TMEM87B: variants seen among roughly 807,000 people sequenced by gnomAD.
TMEM87B encodes transmembrane protein 87B.
In TMEM87B, 83 loss-of-function variants were observed where a neutral mutation model predicts 80.3. The ratio of observed to expected loss-of-function variants is 1.03; its 90% CI spans 0.87 to 1.24. The LOEUF (loss-of-function observed/expected upper bound fraction) is 1.24, where lower values mean the gene tolerates loss of function less well. Ranked by LOEUF, TMEM87B falls within the 50% of genes most tolerant of loss-of-function variation. TMEM87B has a pLI of 0.00. For synonymous variants in TMEM87B, 219 were observed against 230.5 expected (o/e 0.95, Z 0.45); for missense variants, 625 against 674.4 (o/e 0.93, Z 0.81).
At chr2:112,101,156 G>A (rs762788494) in intron 15 of TMEM87B, among the ~76,000 whole-genome samples, 5 of 151,966 alleles carry the variant, frequency 3.3e-5, no homozygotes, top group Non-Finnish European at 7.4e-5. Context: ...TAATTTTATT[G>A]TAATCTAATT....
At chr2:112,085,652 AG>A (rs1679120228) in intron 8 of TMEM87B, among the ~76,000 whole-genome samples, 1 of 152,240 alleles carries the variant, frequency 6.6e-6, no homozygotes, top group African/African-American at 2.4e-5. Context: ...GAGATCCTGG[AG>A]AAAAGAGAAC....
intron 3 of TMEM87B, among the ~76,000 whole-genome samples, chr2:112,065,643 C>CAAA (rs58619427): frequency 7.8e-4 from 59 of 75,310 alleles, no homozygotes; most frequent in East Asian, 2.6e-3. Context: ...ACCTTGTCTT[C>CAAA]AAAAAAAAAA....
chr2:112,059,643 A>G (rs911688046), intron 1 of TMEM87B, among the ~76,000 whole-genome samples: 1 of 152,284 alleles, frequency 6.6e-6, no homozygotes, highest in South Asian at 2.1e-4. Context: ...AGTACATTCA[A>G]ATTGACGCCA....
chr2:112,068,174 A>G (rs1201790594), intron 4 of TMEM87B, among the ~76,000 whole-genome samples: 2 of 151,980 alleles, frequency 1.3e-5, no homozygotes, highest in Non-Finnish European at 2.9e-5. Flanking sequence ...AGATCACGCC[A>G]TTGCACTCCA....
At chr2:112,077,891 G>A (rs971827342) in intron 6 of TMEM87B, among the ~76,000 whole-genome samples, 2 of 152,176 alleles carry the variant, frequency 1.3e-5, no homozygotes, top group African/African-American at 4.8e-5. Context: ...AATCACTTTG[G>A]CTGATGTTTT....
Position 112,089,484 on chromosome 2 carries a change from A to G in TMEM87B, c.939-141A>G, listed in dbSNP as rs1573710681. ...GTTCCTGGGCCTGTTTCCTAAAACA[A>G]AGTACCTCAGAGCCGGGAACAGACT... On this transcript the variant is annotated intron_variant, in intron 9 of 18. Transcript: ENST00000283206. The G allele has an allele frequency of 4.4e-5, 31 of 698,652 alleles. No homozygotes were observed. In the South Asian group the frequency reaches 5.4e-4, roughly 12 times the overall value. 43.3% of individuals were successfully genotyped at this position (698,652 alleles called of 1,614,324 possible).
At chr2:112,085,146 G>A (rs1679105829) in intron 8 of TMEM87B, among the ~76,000 whole-genome samples, 1 of 152,160 alleles carries the variant, frequency 6.6e-6, no homozygotes, top group African/African-American at 2.4e-5. Context: ...ACTTCCCACT[G>A]CCCTTAACAT....
chr2:112,075,876 G>A (rs1297557982), intron 5 of TMEM87B, among the ~76,000 whole-genome samples: 5 of 152,172 alleles, frequency 3.3e-5, no homozygotes, highest in Non-Finnish European at 5.9e-5. Context: ...TGAAAGAAAC[G>A]GATAGGAAAT....
intron 5 of TMEM87B, 28 bp downstream of exon 5, chr2:112,074,990 A>G (rs776741802): frequency 7.3e-5 from 115 of 1,575,754 alleles, no homozygotes; most frequent in Non-Finnish European, 6.1e-6. Context: ...TCTTTAAATC[A>G]AATATACACA....
chr2:112,091,728 C>T lies in TMEM87B; in HGVS notation c.1049C>T (p.Ala350Val). Residue 350 changes from alanine (A) to valine (V), a missense_variant, in exon 11 of 19, where the codon GCT (alanine) becomes GTT (valine). Coordinates refer to ENST00000283206, the MANE Select transcript of TMEM87B (RefSeq NM_032824.3). The part of the protein sequence containing the change: ...MRVIGGSNHL[A>V]VVLDDIILAV... ...ATCTTTCAGGGTTCTAACCATTTAG[C>T]TGTTGTTCTTGATGACATTATTTTA... 1 of 1,612,930 alleles carries T rather than the reference C, an allele frequency of 6.2e-7. No individual in the cohort carries two copies. The highest frequency in any genetic ancestry group is 1.1e-5 in the South Asian group (1 of 90,984).
In TMEM87B at chr2:112,098,694, C is replaced by T. The variant is rs140815342; in HGVS notation, c.1372C>T (p.Gln458Ter). ...MFLWRPSANN[Q>*]RYAFMPLIDD... ...TTTGTGGAGACCATCAGCAAACAAT[C>T]AGAGGTACCTAACATAGGAAATTTC... The change falls in exon 14 of 19, where the codon CAG becomes TAG. Residue 458 changes from glutamine (Q) to a stop codon, truncating the protein, a stop_gained. Coordinates refer to ENST00000283206, the MANE Select transcript of TMEM87B (RefSeq NM_032824.3). LOFTEE classifies it high-confidence loss of function. The T allele has an allele frequency of 6.2e-6, 10 of 1,613,822 alleles. No individual in the cohort carries two copies. The highest frequency in any genetic ancestry group is 1.6e-4 in the Middle Eastern group (1 of 6,062).
chr2:112,071,416 C>G (rs1317334508), intron 4 of TMEM87B, among the ~76,000 whole-genome samples: 2 of 151,980 alleles, frequency 1.3e-5, no homozygotes, highest in East Asian at 3.9e-4. Context: ...ATTCTCCTGC[C>G]TCAGCCTCCT....
intron 15 of TMEM87B, among the ~76,000 whole-genome samples, chr2:112,104,364 G>A (rs1374003724): frequency 1.3e-5 from 2 of 152,132 alleles, no homozygotes; most frequent in African/African-American, 4.8e-5. Flanking sequence ...TAGAATTCCT[G>A]TAAATCAATA....
intron 16 of TMEM87B, among the ~76,000 whole-genome samples, chr2:112,107,200 T>C (rs1303539378): frequency 6.6e-6 from 1 of 151,598 alleles, no homozygotes; most frequent in Non-Finnish European, 1.5e-5. Context: ...TCTACTAAAA[T>C]TACAAAAAGT....
intron 16 of TMEM87B, 73 bp from the exon 17 acceptor site, chr2:112,107,715 T>A: frequency 1.3e-6 from 1 of 757,756 alleles, no homozygotes; most frequent in Non-Finnish European, 2.1e-6. Context: ...ACTTAAGTTA[T>A]ATATATATTC....
At chr2:112,079,999 G>A (rs1056990143) in intron 6 of TMEM87B, among the ~76,000 whole-genome samples, 1 of 134,828 alleles carries the variant, frequency 7.4e-6, no homozygotes, top group South Asian at 2.4e-4. Context: ...GCACGATCTC[G>A]GCTCACTGCA....
Position 112,081,347 on chromosome 2 carries a change from A to T in TMEM87B, c.667A>T (p.Met223Leu), listed in dbSNP as rs1678991662. The T allele has an allele frequency of 1.3e-6, 2 of 1,599,656 alleles. No individual in the cohort carries two copies. The highest frequency in any genetic ancestry group is 2.2e-5 in the East Asian group (1 of 44,822). Residue 223 changes from methionine to leucine, a missense_variant, in exon 8 of 19, where the codon ATG becomes TTG. Physicochemically the swap from Met to Leu is conservative, Grantham distance 15. Transcript: ENST00000283206. ...TCTCTTCCTACAGTTTTACATGGTG[A>T]TGTGTATTGTTTATATATTATATGG... ...DWPLMIFYMV[M>L]CIVYILYGIL...
intron 8 of TMEM87B, among the ~76,000 whole-genome samples, chr2:112,084,963 AT>A (rs1679101218): frequency 1.3e-5 from 2 of 152,230 alleles, no homozygotes; most frequent in African/African-American, 4.8e-5. Context: ...TGTTGTAACT[AT>A]TCACCCTTGC....
intron 15 of TMEM87B, chr2:112,105,772 G>A (rs1279099367): frequency 2.6e-6 from 1 of 381,572 alleles, no homozygotes; most frequent in Non-Finnish European, 4.6e-6. Context: ...ATTCAAACAA[G>A]AAACTTGAAA....
Sources: allele counts gnomAD v4.1 joint callset (sites outside exome capture counted in the v4.1 genomes callset), GRCh38; gene constraint gnomAD v4.1.1; transcripts MANE v1.5; gene names NCBI Gene and HGNC (gene_info 2026-07-23, HGNC 2026-07-21).